The following WSCD2 variants were observed in gnomAD, a reference collection of about 807,000 sequenced individuals.
WSCD2 encodes WSC domain sialate O sulfotransferase 2.
In WSCD2, 28 loss-of-function variants were observed where a neutral mutation model predicts 55.7. The observed-to-expected ratio is 0.50, with a 90% confidence interval of 0.37 to 0.69. The LOEUF (loss-of-function observed/expected upper bound fraction) is 0.69, where lower values mean the gene tolerates loss of function less well. WSCD2 is among the 30% of genes least tolerant of loss of function. The probability of loss-of-function intolerance (pLI) is 0.00; values close to 1 mark genes in which losing one functional copy is unlikely to be tolerated. For missense variants in WSCD2, 616 were observed against 762.1 expected (o/e 0.81, Z 2.26); for synonymous variants, 301 against 301.9 (o/e 1.00, Z 0.03).
chr12:108,206,459 C>G, intron 3 of WSCD2, 56 bp downstream of exon 3: 1 of 1,560,230 alleles, frequency 6.4e-7, no homozygotes, highest in East Asian at 2.2e-5. Context: ...CTCAGATTCC[C>G]ACCTGTGGTA....
In WSCD2 at chr12:108,226,856, T is replaced by TG. The variant is rs1049651542; in HGVS notation, c.805-130dup. On this transcript the variant is annotated intron_variant, in intron 5 of 8. Coordinates refer to ENST00000547525, the MANE Select transcript of WSCD2 (RefSeq NM_014653.4). ...AAAAGCAGGGTTTGTGGATGGAATT[T>TG]GGGGACCCTCAAGTTAAGGGAGACT... 7 of 1,058,860 alleles carry TG rather than the reference T, an allele frequency of 6.6e-6. No homozygotes were observed. In the Admixed American group the frequency reaches 8.8e-5, roughly 13 times the overall value. 65.6% of individuals were successfully genotyped at this position (1,058,860 alleles called of 1,614,324 possible). A position where few individuals can be genotyped will look rare whatever the true frequency, so the allele number is the denominator to read the frequency against.
chr12:108,162,716 G>T (rs1028515183), intron 1 of WSCD2, among the ~76,000 whole-genome samples: 3 of 152,124 alleles, frequency 2.0e-5, no homozygotes, highest in African/African-American at 7.2e-5. Context: ...TGGAGGGGCT[G>T]GGAGTAAGGC....
chr12:108,170,329 A>G (rs1464022186), intron 1 of WSCD2, among the ~76,000 whole-genome samples: 1 of 152,168 alleles, frequency 6.6e-6, no homozygotes, highest in Non-Finnish European at 1.5e-5. Flanking sequence ...AATAAGTGAT[A>G]ATGATGACAT....
chr12:108,196,947 A>G (rs1407641779), intron 2 of WSCD2: 1 of 152,244 alleles, frequency 6.6e-6, no homozygotes, highest in Non-Finnish European at 1.5e-5. Context: ...AAGGGAAGAC[A>G]CTTGCCCAAA....
chr12:108,178,827 G>A (rs915027717), intron 1 of WSCD2, among the ~76,000 whole-genome samples: 19 of 152,192 alleles, frequency 1.2e-4, no homozygotes, highest in Admixed American at 1.1e-3. Flanking sequence ...GGATGTCAAC[G>A]TATTAATTTG....
chr12:108,242,482 T>C (rs1889831854), intron 8 of WSCD2, among the ~76,000 whole-genome samples: 1 of 152,106 alleles, frequency 6.6e-6, no homozygotes, highest in Non-Finnish European at 1.5e-5. Flanking sequence ...GGAAAAGACC[T>C]GGGAGATCAG....
In WSCD2 at chr12:108,176,325, T is replaced by G. The variant is rs80135996; in HGVS notation, c.-551-18957T>G. 5.4e-3 allele frequency among the ~76,000 whole-genome samples: 825 copies of G among 152,340 alleles called. 3 individuals are homozygous for G. The highest frequency in any genetic ancestry group is 0.019 in the African/African-American group (786 of 41,584). ...TTTGCCCCTCTGTGGTCAATCCCTC[T>G]TTCATCTCTCGCCCCTGACAACCAC... On this transcript the variant is annotated intron_variant, in intron 1 of 8. Coordinates refer to ENST00000547525, the MANE Select transcript of WSCD2 (RefSeq NM_014653.4).
chr12:108,247,302 A>T (rs1890158935), intron 8 of WSCD2, among the ~76,000 whole-genome samples: 1 of 150,486 alleles, frequency 6.6e-6, no homozygotes, highest in African/African-American at 2.4e-5. Flanking sequence ...ATTAATATAT[A>T]AGTATGTAAT....
chr12:108,156,750 A>G (rs1355784733), intron 1 of WSCD2, among the ~76,000 whole-genome samples: 1 of 152,194 alleles, frequency 6.6e-6, no homozygotes, highest in Non-Finnish European at 1.5e-5. Context: ...AAAAACTCTG[A>G]TTTCAGTCAT....
chr12:108,162,927 C>T (rs887008916), intron 1 of WSCD2, among the ~76,000 whole-genome samples: 3 of 152,178 alleles, frequency 2.0e-5, no homozygotes, highest in Admixed American at 6.5e-5. Flanking sequence ...TTGTGCCAGC[C>T]TCTGTGTTAA....
intron 1 of WSCD2, among the ~76,000 whole-genome samples, chr12:108,158,458 C>T (rs1878739860): frequency 2.5e-5 from 1 of 40,192 alleles, no homozygotes; most frequent in Non-Finnish European, 4.6e-5. Flanking sequence ...TGACAAGTCC[C>T]TGGGGCGGGC....
chr12:108,233,476 A>G (rs1888988059), intron 7 of WSCD2, among the ~76,000 whole-genome samples: 1 of 151,946 alleles, frequency 6.6e-6, no homozygotes, highest in African/African-American at 2.4e-5. Context: ...TGTGTGAGGC[A>G]CCTCATGTAG....
chr12:108,154,679 G>A (rs1304202930), intron 1 of WSCD2, among the ~76,000 whole-genome samples: 2 of 152,074 alleles, frequency 1.3e-5, no homozygotes, highest in African/African-American at 4.8e-5. Flanking sequence ...TCCCACTGTC[G>A]TGCACAAGAG....
intron 1 of WSCD2, among the ~76,000 whole-genome samples, chr12:108,136,755 C>T (rs566891143): frequency 2.0e-5 from 3 of 150,662 alleles, no homozygotes; most frequent in Admixed American, 2.0e-4. Context: ...CGCTGCCTCC[C>T]CGCTCTGTCT....
intron 8 of WSCD2, among the ~76,000 whole-genome samples, chr12:108,242,530 G>T (rs1889835218): frequency 6.6e-6 from 1 of 152,158 alleles, no homozygotes; most frequent in South Asian, 2.1e-4. Flanking sequence ...GCTCCTTACG[G>T]TCCCTAGAGG....
At chr12:108,201,000 C>T (rs1470155907) in intron 2 of WSCD2, among the ~76,000 whole-genome samples, 1 of 152,212 alleles carries the variant, frequency 6.6e-6, no homozygotes, top group African/African-American at 2.4e-5. Context: ...TTGTGTCTTC[C>T]TTCTGTGCCA....
At chr12:108,179,500 G>A (rs1406037668) in intron 1 of WSCD2, among the ~76,000 whole-genome samples, 5 of 152,222 alleles carry the variant, frequency 3.3e-5, no homozygotes, top group Admixed American at 6.5e-5. Context: ...TCTTCTCTCT[G>A]ATTCAGGAGA....
At chr12:108,206,440 C>T (rs1222310012) in intron 3 of WSCD2, 37 bp downstream of exon 3, 1 of 1,594,124 alleles carries the variant, frequency 6.3e-7, no homozygotes, top group South Asian at 1.1e-5. Flanking sequence ...CCATTTCAGG[C>T]CCTTCCTTCT....
intron 7 of WSCD2, among the ~76,000 whole-genome samples, chr12:108,239,789 A>T (rs778743813): frequency 1.3e-5 from 2 of 152,152 alleles, no homozygotes; most frequent in Non-Finnish European, 2.9e-5. Flanking sequence ...ATCATAGCTC[A>T]CTGCAGCCTC....
Sources: gnomAD v4.1 joint callset for allele counts (sites outside exome capture counted in the v4.1 genomes callset) on GRCh38, gnomAD v4.1.1 for gene constraint, MANE v1.5 for transcripts, NCBI Gene and HGNC (gene_info 2026-07-23, HGNC 2026-07-21) for gene names.